The following KAZN variants were observed in gnomAD, a reference collection of about 807,000 sequenced individuals.
The protein encoded by KAZN is kazrin.
A neutral mutation model predicts 87.4 loss-of-function variants in KAZN; 40 were observed. The observed-to-expected ratio is 0.46, with a 90% CI of 0.36 to 0.60. The LOEUF (loss-of-function observed/expected upper bound fraction) is 0.60. Among genes scored for constraint, KAZN ranks in the 20% least tolerant of loss-of-function variants. KAZN has a pLI of 0.00. For synonymous variants in KAZN, 466 were observed against 458.3 expected (o/e 1.02, Z -0.22); for missense variants, 898 against 1,073.9 (o/e 0.84, Z 2.29).
Position 14,901,605 on chromosome 1 carries a change from C to T in KAZN, c.227-59079C>T, listed in dbSNP as rs115146579. On this transcript the variant is annotated intron_variant, in intron 1 of 14. Transcript: ENST00000376030. The stretch of plus-strand genomic sequence containing the variant: ...AGGGGAGAGATAATGGCAGCTCAGA[C>T]GAGGGTGGCAGCAGTTGAGGTGGTG... 6.3e-3 allele frequency among the ~76,000 whole-genome samples: 966 copies of T among 152,150 alleles called. 3 individuals are homozygous for T. Among genetic ancestry groups the T allele is most frequent in the African/African-American group, 9.7e-3 (404 of 41,508 alleles).
chr1:14,182,946 G>A (rs1424086179), intron 2 of KAZN, among the ~76,000 whole-genome samples: 1 of 152,058 alleles, frequency 6.6e-6, no homozygotes, highest in Non-Finnish European at 1.5e-5. Flanking sequence ...GCCTTTCAAG[G>A]GTAGTAACCA....
rs1644530797 is a variant in KAZN at position 14,112,912 on chromosome 1, G to A, written c.92-67523G>A. 2.0e-5 allele frequency among the ~76,000 whole-genome samples: 3 copies of A among 152,224 alleles called. No homozygotes were observed. In the South Asian group the frequency reaches 6.2e-4, roughly 31 times the overall value. The stretch of plus-strand genomic sequence containing the variant: ...AAGCTCTAGATAACTGTTCAGCCCA[G>A]CAGAGTTCAAAGTGCTGTGCGGAAG... On this transcript the variant is annotated intron_variant, in intron 1 of 16. Transcript: ENST00000636203.
chr1:14,406,151 C>T (rs1369248757), intron 2 of KAZN, among the ~76,000 whole-genome samples: 1 of 152,164 alleles, frequency 6.6e-6, no homozygotes, highest in African/African-American at 2.4e-5. Context: ...ATGGATACCC[C>T]ATTCTCCACA....
chr1:14,855,585 T>C (rs3908268), intron 1 of KAZN, among the ~76,000 whole-genome samples: 17,851 of 152,206 alleles, frequency 0.12, 1,545 homozygotes, highest in African/African-American at 0.23. Context: ...CCAGTGTCCA[T>C]GAGTGGGGTG....
At chr1:14,216,714 T>C (rs2100477802) in intron 2 of KAZN, among the ~76,000 whole-genome samples, 1 of 151,962 alleles carries the variant, frequency 6.6e-6, no homozygotes, top group East Asian at 1.9e-4. Context: ...AACAGCCTGG[T>C]CAACATGGCA....
At chr1:14,109,816 T>TGGA (rs1291749271) in intron 1 of KAZN, among the ~76,000 whole-genome samples, 8 of 150,216 alleles carry the variant, frequency 5.3e-5, no homozygotes, top group African/African-American at 7.3e-5. Flanking sequence ...ATCAAAACGA[T>TGGA]TTCAGCGTCA....
At chr1:15,078,611 A>C (rs1045577808) in intron 8 of KAZN, among the ~76,000 whole-genome samples, 1 of 152,182 alleles carries the variant, frequency 6.6e-6, no homozygotes, top group African/African-American at 2.4e-5. Context: ...GGTCACCTAC[A>C]AAGGGAGAGA....
chr1:14,174,271 C>G (rs1160508102), intron 1 of KAZN, among the ~76,000 whole-genome samples: 1 of 151,954 alleles, frequency 6.6e-6, no homozygotes, highest in Non-Finnish European at 1.5e-5. Context: ...GGGAGACTGT[C>G]CAGAGGTGCA....
chr1:14,639,527 C>T (rs1680264659), intron 1 of KAZN, among the ~76,000 whole-genome samples: 1 of 152,102 alleles, frequency 6.6e-6, no homozygotes, highest in Non-Finnish European at 1.5e-5. Context: ...GTATAAATGC[C>T]CTATGGAGTA....
rs201948455 is a variant in KAZN, at chr1:14,632,365, C to T, written c.226+33142C>T. ...GAATCCTTTTGTATAGAGAAGAATC[C>T]TTCTGCTGTGGAAAGAATTACCCTG... is the stretch of plus-strand genomic sequence containing the variant. On this transcript the variant is annotated intron_variant, in intron 1 of 14. Transcript: ENST00000376030. Among the ~76,000 whole-genome samples, 28 of 152,182 alleles carry T rather than the reference C, an allele frequency of 1.8e-4. No homozygotes were observed. The East Asian group carries it at 5.2e-3, about 28-fold the overall frequency.
At chr1:14,655,299 C>A (rs1638718823) in intron 1 of KAZN, among the ~76,000 whole-genome samples, 1 of 152,218 alleles carries the variant, frequency 6.6e-6, no homozygotes, top group African/African-American at 2.4e-5. Flanking sequence ...TCTGGATTCT[C>A]TACCTGTCCA....
intron 1 of KAZN, among the ~76,000 whole-genome samples, chr1:14,080,559 G>A (rs1040540490): frequency 3.9e-5 from 6 of 152,172 alleles, no homozygotes; most frequent in Admixed American, 3.3e-4. Flanking sequence ...TGTCCAAGTG[G>A]CATATTTGAG....
chr1:14,384,666 C>A (rs552092870), intron 2 of KAZN, among the ~76,000 whole-genome samples: 1 of 152,064 alleles, frequency 6.6e-6, no homozygotes, highest in Admixed American at 6.6e-5. Context: ...GGGATGAAGC[C>A]CACTTGATCA....
chr1:14,239,811 C>T (rs973211453), intron 2 of KAZN, among the ~76,000 whole-genome samples: 1 of 151,950 alleles, frequency 6.6e-6, no homozygotes, highest in African/African-American at 2.4e-5. Context: ...TGTGATTTTG[C>T]CTGCTTGGAG....
Position 14,542,107 on chromosome 1 carries a change from A to C in KAZN, c.250-56876A>C, listed in dbSNP as rs551766821. 1.3e-4 allele frequency among the ~76,000 whole-genome samples: 20 copies of C among 152,290 alleles called. 1 individual carries two copies. In the South Asian group the frequency reaches 4.2e-3, roughly 32 times the overall value. On this transcript the variant is annotated intron_variant, in intron 2 of 16. Coordinates refer to the KAZN transcript ENST00000636203. ...TGTCTCAGGGGTATCCTCTCAACCC[A>C]CAGGCTCATTTGCTCACGTAAGACC...
intron 1 of KAZN, among the ~76,000 whole-genome samples, chr1:14,898,544 A>AG (rs1420756877): frequency 6.6e-6 from 1 of 152,204 alleles, no homozygotes; most frequent in Non-Finnish European, 1.5e-5. Flanking sequence ...GAGAAAGCAA[A>AG]GGGGGCCTTG....
intron 1 of KAZN, among the ~76,000 whole-genome samples, chr1:13,963,317 T>C (rs1314446586): frequency 6.6e-6 from 1 of 152,198 alleles, no homozygotes. Flanking sequence ...ATGAATTTTT[T>C]ATTTTCTATT....
At chr1:14,644,772 T>C (rs1176485841) in intron 1 of KAZN, among the ~76,000 whole-genome samples, 1 of 152,236 alleles carries the variant, frequency 6.6e-6, no homozygotes, top group Non-Finnish European at 1.5e-5. Context: ...TTTACCCTGT[T>C]GATAGTTTCT....
intron 2 of KAZN, among the ~76,000 whole-genome samples, chr1:15,012,645 G>A (rs970485746): frequency 2.6e-5 from 4 of 152,218 alleles, no homozygotes; most frequent in Non-Finnish European, 4.4e-5. Flanking sequence ...ATCATGGCCC[G>A]GCGTGGTTGC....
Sources: allele counts gnomAD v4.1 joint callset (sites outside exome capture counted in the v4.1 genomes callset), GRCh38; gene constraint gnomAD v4.1.1; transcripts MANE v1.5; gene names NCBI Gene and HGNC (gene_info 2026-07-23, HGNC 2026-07-21).